Variants in CFAP58 observed in about 807,000 individuals in gnomAD.
CFAP58 encodes the protein cilia- and flagella-associated protein 58.
Under a neutral mutation model 119.5 loss-of-function variants are expected in CFAP58, and 88 were observed. That is an observed-to-expected ratio of 0.74 (90% CI 0.62 to 0.88). CFAP58 has a LOEUF of 0.88. Ranked by LOEUF, CFAP58 falls within the 40% of genes least tolerant of loss-of-function variation. CFAP58 has a pLI of 0.00. For missense variants in CFAP58, 990 were observed against 1,021.2 expected (o/e 0.97, Z 0.42); for synonymous variants, 365 against 366.3 (o/e 1.00, Z 0.04).
At chr10:104,419,877 A>G (rs1269960670) in intron 15 of CFAP58, among the ~76,000 whole-genome samples, 1 of 152,206 alleles carries the variant, frequency 6.6e-6, no homozygotes, top group Non-Finnish European at 1.5e-5. Context: ...CATAAGAAGA[A>G]GTTGGCAAGA....
chr10:104,376,353 A>C (rs1329941177), intron 7 of CFAP58, among the ~76,000 whole-genome samples: 1 of 151,840 alleles, frequency 6.6e-6, no homozygotes, highest in Non-Finnish European at 1.5e-5. Flanking sequence ...TACAGAAAAT[A>C]ATTAGCCGGG....
Position 104,361,458 on chromosome 10 carries a change from T to C in CFAP58, c.292-565T>C, listed in dbSNP as rs536789974. 3.3e-5 allele frequency among the ~76,000 whole-genome samples: 5 copies of C among 152,366 alleles called. No homozygotes were observed. In the South Asian group the frequency reaches 8.3e-4, roughly 25 times the overall value. On this transcript the variant is annotated intron_variant, in intron 2 of 17. Transcript: ENST00000369704. ...TCACTTGGGACCAGATGATAAAATA[T>C]ATTTTTTATTTACAAATCTTTCGAG...
At chr10:104,387,406 C>T (rs183058917) in intron 9 of CFAP58, among the ~76,000 whole-genome samples, 27 of 152,306 alleles carry the variant, frequency 1.8e-4, no homozygotes, top group Admixed American at 3.3e-4. Flanking sequence ...AGGCACATGT[C>T]ATGTCTCTCT....
chr10:104,393,915 G>A (rs2012102911), intron 11 of CFAP58, among the ~76,000 whole-genome samples: 3 of 152,092 alleles, frequency 2.0e-5, no homozygotes, highest in South Asian at 4.1e-4. Flanking sequence ...TTTACTTTGT[G>A]TGCATGTGAC....
At chr10:104,434,845 T>G (rs934020717) in intron 15 of CFAP58, among the ~76,000 whole-genome samples, 3 of 152,194 alleles carry the variant, frequency 2.0e-5, no homozygotes, top group Non-Finnish European at 4.4e-5. Flanking sequence ...CTAAATTCCT[T>G]GAGACCCACA....
chr10:104,365,524 C>T (rs779733223), intron 4 of CFAP58, among the ~76,000 whole-genome samples: 11 of 152,124 alleles, frequency 7.2e-5, no homozygotes, highest in South Asian at 2.1e-4. Context: ...CCATGTTTAA[C>T]GCCCCTAGAA....
intron 14 of CFAP58, among the ~76,000 whole-genome samples, chr10:104,404,547 T>C (rs1401152559): frequency 6.6e-6 from 1 of 152,176 alleles, no homozygotes; most frequent in African/African-American, 2.4e-5. Flanking sequence ...GATGTAAGTA[T>C]GTCATATAAG....
the CFAP58 span, among the ~76,000 whole-genome samples, chr10:104,344,779 T>C: frequency 2.0e-5 from 3 of 152,092 alleles, no homozygotes; most frequent in African/African-American, 7.3e-5. Flanking sequence ...TCCCAGTAAA[T>C]GCTCAGCAGG....
At chr10:104,426,316 A>G (rs1415630945) in intron 15 of CFAP58, among the ~76,000 whole-genome samples, 4 of 152,168 alleles carry the variant, frequency 2.6e-5, no homozygotes, top group African/African-American at 9.7e-5. Context: ...GAGGAGAGTC[A>G]AAGGTGGCTT....
At chr10:104,453,156 A>T (rs1248217097) in intron 17 of CFAP58, among the ~76,000 whole-genome samples, 1 of 152,132 alleles carries the variant, frequency 6.6e-6, no homozygotes, top group Admixed American at 6.5e-5. Context: ...AAGGTGAGAG[A>T]GGGCAGGGGG....
upstream of CFAP58, chr10:104,353,774 C>T: frequency 8.3e-7 from 1 of 1,201,486 alleles, no homozygotes; most frequent in African/African-American, 1.5e-5. Flanking sequence ...GCGCCGAGCG[C>T]GGGTTTCCGC....
At chr10:104,377,251 C>G (rs1419105350) in intron 8 of CFAP58, among the ~76,000 whole-genome samples, 1 of 152,164 alleles carries the variant, frequency 6.6e-6, no homozygotes, top group Non-Finnish European at 1.5e-5. Flanking sequence ...ACTTGCTAAT[C>G]CAAAAATTAC....
chr10:104,379,547 AG>A (rs2011739147), intron 8 of CFAP58, among the ~76,000 whole-genome samples: 1 of 152,182 alleles, frequency 6.6e-6, no homozygotes, highest in Non-Finnish European at 1.5e-5. Context: ...TGTTAATTCT[AG>A]GTATCTGCAT....
the CFAP58 span, among the ~76,000 whole-genome samples, chr10:104,347,456 T>A: frequency 6.6e-6 from 1 of 152,102 alleles, no homozygotes; most frequent in African/African-American, 2.4e-5. Context: ...CTCTGTCATC[T>A]AAGGTGACCA....
chr10:104,341,160 GGT>G, the CFAP58 span, among the ~76,000 whole-genome samples: 1 of 151,900 alleles, frequency 6.6e-6, no homozygotes. Flanking sequence ...TGTTTATCCT[GGT>G]CCCTAGCAGA....
At chr10:104,381,447 A>C (rs1328935181) in intron 9 of CFAP58, among the ~76,000 whole-genome samples, 7 of 152,142 alleles carry the variant, frequency 4.6e-5, no homozygotes, top group African/African-American at 1.7e-4. Context: ...AATGGAGAAA[A>C]GTTTTAGTTA....
intron 7 of CFAP58, among the ~76,000 whole-genome samples, chr10:104,372,845 T>C (rs2014842443): frequency 6.6e-6 from 1 of 152,222 alleles, no homozygotes; most frequent in East Asian, 1.9e-4. Context: ...ACTTTATAGG[T>C]ATCATCAATA....
In CFAP58 at chr10:104,425,261, G is replaced by A. The variant is rs560651306; in HGVS notation, c.2256+18468G>A. On this transcript the variant is annotated intron_variant, in intron 15 of 17. Coordinates refer to ENST00000369704, the MANE Select transcript of CFAP58 (RefSeq NM_001008723.2). The stretch of plus-strand genomic sequence containing the variant: ...AGGTACATTTGGAAACAAATGAAAA[G>A]GGCATTTCAGGCTGAGGACAGATGA... 1.3e-4 allele frequency among the ~76,000 whole-genome samples: 20 copies of A among 152,336 alleles called. 1 individual carries two copies. In the South Asian group the frequency reaches 3.5e-3, roughly 27 times the overall value.
the CFAP58 span, among the ~76,000 whole-genome samples, chr10:104,348,437 G>T: frequency 5.9e-5 from 9 of 152,162 alleles, no homozygotes; most frequent in South Asian, 2.1e-4. Context: ...TCTAAGAGGC[G>T]ATTCTATCCA....
Sources: allele counts gnomAD v4.1 joint callset (sites outside exome capture counted in the v4.1 genomes callset), GRCh38; gene constraint gnomAD v4.1.1; transcripts MANE v1.5; gene names NCBI Gene and HGNC (gene_info 2026-07-23, HGNC 2026-07-21).